The following ZSWIM6 variants were observed in gnomAD, a reference collection of about 807,000 sequenced individuals.
The protein encoded by ZSWIM6 is zinc finger SWIM-type containing 6.
A neutral mutation model predicts 113.2 loss-of-function variants in ZSWIM6; 9 were observed. The ratio of observed to expected loss-of-function variants is 0.08; its 90% CI spans 0.05 to 0.14. The LOEUF is 0.14. Ranked by LOEUF, ZSWIM6 falls within the 10% of genes least tolerant of loss-of-function variation. The pLI is 1.00. For synonymous variants in ZSWIM6, 611 were observed against 606.5 expected, an observed-to-expected ratio of 1.01 and a Z score of -0.11; for missense variants, 1,162 against 1,552.2, an observed-to-expected ratio of 0.75 and a Z score of 4.22.
intron 1 of ZSWIM6, among the ~76,000 whole-genome samples, chr5:61,374,842 A>G (rs1029539185): frequency 6.6e-6 from 1 of 152,138 alleles, no homozygotes; most frequent in African/African-American, 2.4e-5. Flanking sequence ...GGCGTGAGCT[A>G]CCGCGCCCGG....
intron 1 of ZSWIM6, chr5:61,391,850 C>T (rs531247626): frequency 3.5e-5 from 25 of 711,694 alleles, no homozygotes; most frequent in South Asian, 1.7e-4. Flanking sequence ...TGTCTGGGAG[C>T]GGAGAACCTT....
chr5:61,442,683 G>T (rs1198171029), intron 1 of ZSWIM6, among the ~76,000 whole-genome samples: 1 of 152,126 alleles, frequency 6.6e-6, no homozygotes, highest in Non-Finnish European at 1.5e-5. Flanking sequence ...CAAAGCCCTG[G>T]GAATATGACC....
intron 4 of ZSWIM6, among the ~76,000 whole-genome samples, chr5:61,514,294 T>G (rs10052429): frequency 0.035 from 5,335 of 151,672 alleles, 329 homozygotes; most frequent in African/African-American, 0.12. Flanking sequence ...TCATTTGAAC[T>G]TATCTAATAT....
Position 61,391,336 on chromosome 5 carries a change from T to G in ZSWIM6, c.676+58388T>G, listed in dbSNP as rs979498447. The G allele has an allele frequency of 7.8e-5, 64 of 823,814 alleles. No homozygotes were observed. In the African/African-American group the frequency reaches 9.4e-4, roughly 12 times the overall value. The allele number at this position is 823,814 out of a possible 1,614,324, so 51.0% of individuals were successfully genotyped here. A position where few individuals can be genotyped will look rare whatever the true frequency, so the allele number is the denominator to read the frequency against. ...TCCCTTTACCTGGATCTCCATCAGG[T>G]GGGCCTTCCTCTGGTGCAGAGGAAG... On this transcript the variant is annotated intron_variant, in intron 1 of 13. Coordinates refer to ENST00000252744, the MANE Select transcript of ZSWIM6 (RefSeq NM_020928.2).
chr5:61,501,882 C>T (rs1170557669), intron 4 of ZSWIM6, among the ~76,000 whole-genome samples: 1 of 152,172 alleles, frequency 6.6e-6, no homozygotes, highest in Non-Finnish European at 1.5e-5. Context: ...CCTCTTCTTT[C>T]TCATAATTCT....
In ZSWIM6 at chr5:61,485,288, A is replaced by G. The variant is rs951759263; in HGVS notation, c.1034-5498A>G. Among the ~76,000 whole-genome samples, 8 of 152,272 alleles carry G rather than the reference A, an allele frequency of 5.3e-5. No homozygotes were observed. The East Asian group carries it at 1.5e-3, about 29-fold the overall frequency. ...CCTAAGAGGCCACTCATTTCCTTTG[A>G]CATCCTTGCTCATTTACTTATGCAG... is the stretch of plus-strand genomic sequence containing the variant. On this transcript the variant is annotated intron_variant, in intron 2 of 13. Transcript: ENST00000252744.
At position 61,543,033 on chromosome 5, in the gene ZSWIM6, C is replaced by T. The variant is rs1749783415; in HGVS notation, c.2786-422C>T. On this transcript the variant is annotated intron_variant, in intron 13 of 13. Transcript: ENST00000252744. The surrounding 1 kb of genome is among the most constrained non-coding windows in gnomAD (Gnocchi z 4.3). ...TTCCAGCTTCTTTGTGTGTTTTAAA[C>T]TTTTGTATTATGTGTACTTTTACCT... Among the ~76,000 whole-genome samples the T allele has an allele frequency of 6.6e-6, 1 of 152,164 alleles. No individual in the cohort carries two copies.
At chr5:61,405,291 G>A (rs1746021260) in intron 1 of ZSWIM6, among the ~76,000 whole-genome samples, 1 of 152,212 alleles carries the variant, frequency 6.6e-6, no homozygotes, top group Non-Finnish European at 1.5e-5. Flanking sequence ...GTTCACATAA[G>A]TGGAATGTCT....
intron 1 of ZSWIM6, among the ~76,000 whole-genome samples, chr5:61,465,821 G>A (rs1747421957): frequency 1.3e-5 from 2 of 152,098 alleles, no homozygotes; most frequent in African/African-American, 4.8e-5. Context: ...CATTTTTAAG[G>A]TAGTCTTAAA....
At chr5:61,353,089 T>C (rs1340733067) in intron 1 of ZSWIM6, among the ~76,000 whole-genome samples, 1 of 152,134 alleles carries the variant, frequency 6.6e-6, no homozygotes, top group Non-Finnish European at 1.5e-5. Flanking sequence ...TAATCTTTGC[T>C]TCCTCAAGTT....
intron 1 of ZSWIM6, among the ~76,000 whole-genome samples, chr5:61,378,156 T>C (rs1261746480): frequency 2.6e-5 from 4 of 152,232 alleles, no homozygotes; most frequent in Admixed American, 6.5e-5. Context: ...CATCCAGATT[T>C]TTATCTTATG....
rs971742812 is a variant in ZSWIM6 at position 61,420,883 on chromosome 5, C to T, written c.677-51798C>T. The stretch of plus-strand genomic sequence containing the variant: ...ATTATTTTTGACTATAGTCACCCTG[C>T]TGTGCTAACAAATACTAGGTCTTAT... On this transcript the variant is annotated intron_variant, in intron 1 of 13. Coordinates refer to ENST00000252744, the MANE Select transcript of ZSWIM6 (RefSeq NM_020928.2). Among the ~76,000 whole-genome samples, 40 of 151,218 alleles carry T rather than the reference C, an allele frequency of 2.6e-4. 1 individual carries two copies. The highest frequency in any genetic ancestry group is 2.9e-5 in the Non-Finnish European group (2 of 67,856).
intron 5 of ZSWIM6, among the ~76,000 whole-genome samples, chr5:61,524,104 G>A (rs1368166723): frequency 6.6e-6 from 1 of 152,192 alleles, no homozygotes; most frequent in African/African-American, 2.4e-5. Flanking sequence ...AATGACAAAA[G>A]ATACTTACAT....
chr5:61,436,176 G>C (rs1270351246), intron 1 of ZSWIM6, among the ~76,000 whole-genome samples: 2 of 150,448 alleles, frequency 1.3e-5, no homozygotes, highest in Admixed American at 1.3e-4. Flanking sequence ...ACTTCAGCTT[G>C]GGCAATAAGA....
chr5:61,411,753 G>A (rs1746151973), intron 1 of ZSWIM6, among the ~76,000 whole-genome samples: 1 of 152,122 alleles, frequency 6.6e-6, no homozygotes, highest in South Asian at 2.1e-4. Flanking sequence ...TAGAAGGAAA[G>A]GATGAAAGGT....
chr5:61,491,067 C>A, intron 3 of ZSWIM6, 133 bp downstream of exon 3: 1 of 803,368 alleles, frequency 1.2e-6, no homozygotes, highest in Non-Finnish European at 1.7e-6. Flanking sequence ...CCAATAGAAA[C>A]TTTTGTATTG....
At chr5:61,518,971 T>C (rs1749037648) in intron 4 of ZSWIM6, among the ~76,000 whole-genome samples, 1 of 151,988 alleles carries the variant, frequency 6.6e-6, no homozygotes, top group Non-Finnish European at 1.5e-5. Flanking sequence ...TTGTATAAGG[T>C]GTAAGGAAGG....
Position 61,544,216 on chromosome 5 carries a change from C to T in ZSWIM6, c.3547C>T (p.His1183Tyr). 1 of 1,551,522 alleles carries T rather than the reference C, an allele frequency of 6.4e-7. No homozygotes were observed. The highest frequency in any genetic ancestry group is 8.7e-7 in the Non-Finnish European group (1 of 1,146,954). ...AGCCCGAGAGACCTTCTTAATGGCGCATGATGGACACATTCAGTTTACACA... is the reference window on the plus strand; with the variant it reads ...AGCCCGAGAGACCTTCTTAATGGCGTATGATGGACACATTCAGTTTACACA... ...SKARETFLMA[H>Y]DGHIQFTQFI... The change falls in exon 14 of 14, where the codon CAT becomes TAT. Residue 1183 changes from histidine (H) to tyrosine (Y), a missense_variant. Coordinates refer to ENST00000252744, the MANE Select transcript of ZSWIM6 (RefSeq NM_020928.2).
chr5:61,517,917 G>T (rs1748998369), intron 4 of ZSWIM6, among the ~76,000 whole-genome samples: 1 of 147,620 alleles, frequency 6.8e-6, no homozygotes, highest in Non-Finnish European at 1.5e-5. Flanking sequence ...CTAGCATTAG[G>T]TATATCTCCA....
Sources: gnomAD v4.1 joint callset for allele counts (sites outside exome capture counted in the v4.1 genomes callset) on GRCh38, gnomAD v4.1.1 for gene constraint, Gnocchi (gnomAD v3.1) non-coding constraint, MANE v1.5 for transcripts, NCBI Gene and HGNC (gene_info 2026-07-23, HGNC 2026-07-21) for gene names.